Variants in SPAG1 observed in about 807,000 individuals in gnomAD.
SPAG1 encodes the protein sperm-associated antigen 1.
Under a neutral mutation model 100.5 loss-of-function variants are expected in SPAG1, and 69 were observed. The observed-to-expected ratio is 0.69, with a 90% confidence interval of 0.57 to 0.84. The LOEUF is 0.84. SPAG1 is among the 40% of genes least tolerant of loss of function. SPAG1 has a pLI of 0.00. For synonymous variants in SPAG1, 336 were observed against 411.6 expected (o/e 0.82, Z 2.22); for missense variants, 955 against 1,133.1 (o/e 0.84, Z 2.26).
chr8:100,214,156 A>G (rs546668236), intron 12 of SPAG1, among the ~76,000 whole-genome samples: 2 of 152,322 alleles, frequency 1.3e-5, no homozygotes, highest in African/African-American at 4.8e-5. Flanking sequence ...CTCTTTTCAT[A>G]TCACTCCTAG....
chr8:100,165,330 A>T, intron 2 of SPAG1: 1 of 507,914 alleles, frequency 2.0e-6, no homozygotes, highest in Non-Finnish European at 4.0e-6. Flanking sequence ...ATCATTGGTA[A>T]TAATTGCACT....
At chr8:100,212,179 C>T (rs1481681399) in intron 10 of SPAG1, among the ~76,000 whole-genome samples, 2 of 152,066 alleles carry the variant, frequency 1.3e-5, no homozygotes, top group African/African-American at 2.4e-5. Context: ...GGTGATCATC[C>T]ACTGATTTTC....
At chr8:100,170,967 A>G (rs1815802883) in intron 3 of SPAG1, among the ~76,000 whole-genome samples, 1 of 152,092 alleles carries the variant, frequency 6.6e-6, no homozygotes, top group African/African-American at 2.4e-5. Flanking sequence ...ACTGTGAAAT[A>G]TAACGTTAGC....
chr8:100,195,380 T>C (rs1816991744), intron 10 of SPAG1, among the ~76,000 whole-genome samples: 2 of 152,092 alleles, frequency 1.3e-5, no homozygotes, highest in Non-Finnish European at 2.9e-5. Context: ...AAAGAACGAG[T>C]TTTAATTTTT....
At chr8:100,215,102 T>A (rs1368736456) in intron 12 of SPAG1, among the ~76,000 whole-genome samples, 2 of 143,298 alleles carry the variant, frequency 1.4e-5, no homozygotes, top group Non-Finnish European at 3.0e-5. Context: ...TATAGAACAC[T>A]AGAACATGTG....
chr8:100,191,254 A>G, intron 8 of SPAG1, 136 bp from the exon 9 acceptor site: 1 of 590,548 alleles, frequency 1.7e-6, no homozygotes, highest in East Asian at 2.9e-5. Flanking sequence ...TATCAACATG[A>G]AAAAGGGTGT....
chr8:100,233,281 T>A, intron 15 of SPAG1, 130 bp from the exon 16 acceptor site: 1 of 989,628 alleles, frequency 1.0e-6, no homozygotes, highest in Non-Finnish European at 1.5e-6. Flanking sequence ...AAATGTTAAG[T>A]TTCAATGGAA....
At chr8:100,174,042 A>G (rs1029617196) in intron 3 of SPAG1, among the ~76,000 whole-genome samples, 2 of 152,144 alleles carry the variant, frequency 1.3e-5, no homozygotes. Flanking sequence ...TAAAAAATTG[A>G]CTCATAGGAA....
chr8:100,195,480 G>T (rs1816996018), intron 10 of SPAG1, among the ~76,000 whole-genome samples: 1 of 152,106 alleles, frequency 6.6e-6, no homozygotes, highest in Non-Finnish European at 1.5e-5. Flanking sequence ...AGAAAGGGAG[G>T]GAGCGAGAAA....
chr8:100,212,156 A>T (rs905996794), intron 10 of SPAG1, among the ~76,000 whole-genome samples: 2 of 152,218 alleles, frequency 1.3e-5, no homozygotes, highest in Non-Finnish European at 2.9e-5. Context: ...TTTATACTTG[A>T]TGCTTGTCTT....
At position 100,241,165 on chromosome 8, in the gene SPAG1, CA is replaced by C; in HGVS notation, c.*144del. The C allele has an allele frequency of 1.6e-6, 1 of 640,128 alleles. No individual in the cohort carries two copies. The highest frequency in any genetic ancestry group is 2.5e-6 in the Non-Finnish European group (1 of 398,142). 39.7% of individuals were successfully genotyped at this position (640,128 alleles called of 1,614,324 possible). ...ATAAAACATTTTACTTATTTTCCTA[CA>C]TAGAACATGTATATTCTACAATCTG... On this transcript the variant is annotated 3_prime_UTR_variant, in exon 19 of 19. Coordinates refer to ENST00000388798, the MANE Select transcript of SPAG1 (RefSeq NM_003114.5). The surrounding 1 kb of genome is among the most constrained non-coding windows in gnomAD (Gnocchi z 5.1).
intron 13 of SPAG1, among the ~76,000 whole-genome samples, chr8:100,221,478 T>A (rs965084201): frequency 6.0e-4 from 91 of 152,350 alleles, no homozygotes; most frequent in African/African-American, 1.8e-3. Flanking sequence ...TAGTTATGTA[T>A]GACATTTTCT....
At position 100,213,888 on chromosome 8, in the gene SPAG1, A is replaced by C; in HGVS notation, c.1505A>C (p.Asn502Thr). The change falls in exon 12 of 19, where the codon AAC (asparagine) becomes ACC (threonine). Residue 502 changes from asparagine to threonine, a missense_variant. Transcript: ENST00000388798. Reference protein sequence around the residue: ...NRAACYLKEGNCSGCIQDCNR... With the variant: ...NRAACYLKEGTCSGCIQDCNR... Reference sequence around the variant, plus strand: ...GCAGCATGTTACCTAAAAGAAGGAAACTGCAGTGGCTGCATTCAAGATTGT... The same window carrying C: ...GCAGCATGTTACCTAAAAGAAGGAACCTGCAGTGGCTGCATTCAAGATTGT... The C allele has an allele frequency of 1.2e-6, 2 of 1,603,518 alleles. No individual in the cohort carries two copies. Among genetic ancestry groups the C allele is most frequent in the Non-Finnish European group, 1.7e-6 (2 of 1,171,886 alleles).
intron 12 of SPAG1, among the ~76,000 whole-genome samples, chr8:100,214,735 C>T (rs920953621): frequency 6.6e-6 from 1 of 152,054 alleles, no homozygotes; most frequent in African/African-American, 2.4e-5. Flanking sequence ...GTAATCCCAG[C>T]ATTTTGGCAG....
At chr8:100,198,130 G>A (rs112006582) in intron 10 of SPAG1, among the ~76,000 whole-genome samples, 6 of 152,318 alleles carry the variant, frequency 3.9e-5, no homozygotes, top group African/African-American at 1.4e-4. Flanking sequence ...CCCTTGCAGT[G>A]CTGTTGGTGT....
intron 10 of SPAG1, among the ~76,000 whole-genome samples, chr8:100,203,501 G>C (rs1487000324): frequency 6.6e-6 from 1 of 152,070 alleles, no homozygotes; most frequent in Non-Finnish European, 1.5e-5. Context: ...AAATGCTAAG[G>C]ACTCTACTTC....
Position 100,239,154 on chromosome 8 carries a change from C to G in SPAG1, c.2116-86C>G. 1 of 781,062 alleles carries G rather than the reference C, an allele frequency of 1.3e-6. No individual in the cohort carries two copies. The highest frequency in any genetic ancestry group is 1.8e-5 in the African/African-American group (1 of 56,434). 48.4% of individuals were successfully genotyped at this position (781,062 alleles called of 1,614,324 possible). ...TGGACCCTGCACACATACTGCACAG[C>G]TCACTACATCCACCCCACTCCCACT... On this transcript the variant is annotated intron_variant, in intron 16 of 18. Transcript: ENST00000388798. The surrounding 1 kb of genome is among the most constrained non-coding windows in gnomAD (Gnocchi z 5.0).
intron 15 of SPAG1, among the ~76,000 whole-genome samples, chr8:100,232,333 T>C (rs909419102): frequency 6.6e-5 from 10 of 152,130 alleles, no homozygotes; most frequent in African/African-American, 2.4e-4. Context: ...AGAATTCTCA[T>C]AGTTCTGAGG....
intron 8 of SPAG1, among the ~76,000 whole-genome samples, chr8:100,190,039 G>A (rs932050835): frequency 1.3e-5 from 2 of 151,954 alleles, no homozygotes; most frequent in Non-Finnish European, 1.5e-5. Flanking sequence ...AGGCAGGCGC[G>A]GTGGCTCATG....
Sources: gnomAD v4.1 joint callset for allele counts (sites outside exome capture counted in the v4.1 genomes callset) on GRCh38, gnomAD v4.1.1 for gene constraint, Gnocchi (gnomAD v3.1) non-coding constraint, MANE v1.5 for transcripts, NCBI Gene and HGNC (gene_info 2026-07-23, HGNC 2026-07-21) for gene names.